RBM46: variants seen among roughly 807,000 people sequenced by gnomAD.
The protein encoded by RBM46 is probable RNA-binding protein 46.
In RBM46, 12 loss-of-function variants were observed where a neutral mutation model predicts 43.3. The ratio of observed to expected loss-of-function variants is 0.28; its 90% CI spans 0.18 to 0.45. The LOEUF is 0.45. Ranked by LOEUF, RBM46 falls within the 20% of genes least tolerant of loss-of-function variation. The pLI is 1.00. For synonymous variants in RBM46, 205 were observed against 207.6 expected, an observed-to-expected ratio of 0.99 and a Z score of 0.11; for missense variants, 412 against 639.1, an observed-to-expected ratio of 0.64 and a Z score of 3.83.
intron 4 of RBM46, among the ~76,000 whole-genome samples, chr4:154,800,323 A>G (rs1734572046): frequency 6.6e-6 from 1 of 152,152 alleles, no homozygotes; most frequent in East Asian, 1.9e-4. Context: ...GGGATTTCAG[A>G]TGGGTCGTGT....
chr4:154,822,598 A>T (rs1735770149), intron 4 of RBM46, among the ~76,000 whole-genome samples: 1 of 151,638 alleles, frequency 6.6e-6, no homozygotes, highest in Non-Finnish European at 1.5e-5. Flanking sequence ...TGCAGATAAA[A>T]TTTAGTGTTT....
intron 4 of RBM46, 54 bp from the exon 5 acceptor site, chr4:154,827,814 T>G (rs746657843): frequency 2.5e-6 from 4 of 1,604,820 alleles, no homozygotes; most frequent in Non-Finnish European, 3.4e-6. Flanking sequence ...CTCTTTAAAT[T>G]AAATTTGTGT....
rs566871472 is a variant in RBM46 at position 154,792,331 on chromosome 4, T to G, written c.-11-4411T>G. On this transcript the variant is annotated intron_variant, in intron 1 of 4. Coordinates refer to ENST00000281722, the MANE Select transcript of RBM46 (RefSeq NM_144979.5). Reference sequence around the variant, plus strand: ...TATGCTAAATCATTAAATGTAGAAGTAAAATGGAATTTCATAGATTAAGAA... The same window carrying G: ...TATGCTAAATCATTAAATGTAGAAGGAAAATGGAATTTCATAGATTAAGAA... 5.3e-5 allele frequency among the ~76,000 whole-genome samples: 8 copies of G among 152,314 alleles called. No individual in the cohort carries two copies. In the South Asian group the frequency reaches 1.7e-3, roughly 32 times the overall value.
At chr4:154,826,474 GATAAATAA>G (rs1051844899) in intron 4 of RBM46, among the ~76,000 whole-genome samples, 1 of 151,854 alleles carries the variant, frequency 6.6e-6, no homozygotes, top group African/African-American at 2.4e-5. Context: ...AATAAATAAA[GATAAATAA>G]ATAAATAAAT....
At chr4:154,824,430 A>T (rs75202282) in intron 4 of RBM46, among the ~76,000 whole-genome samples, 3,084 of 152,220 alleles carry the variant, frequency 0.02, 99 homozygotes, top group African/African-American at 0.071. Flanking sequence ...ATTCATAATA[A>T]AACTTAGAAA....
intron 4 of RBM46, among the ~76,000 whole-genome samples, chr4:154,806,029 T>C (rs983541670): frequency 3.3e-5 from 5 of 151,938 alleles, no homozygotes; most frequent in Non-Finnish European, 7.4e-5. Flanking sequence ...ATTTTACACA[T>C]TTGTTTTCAT....
At chr4:154,803,519 G>A (rs1025820608) in intron 4 of RBM46, among the ~76,000 whole-genome samples, 13 of 151,738 alleles carry the variant, frequency 8.6e-5, no homozygotes, top group Middle Eastern at 3.4e-3. Context: ...TGGCGAACAC[G>A]GTGAAACCCC....
chr4:154,786,600 T>C (rs546058561), intron 1 of RBM46, among the ~76,000 whole-genome samples: 1 of 150,454 alleles, frequency 6.6e-6, no homozygotes, highest in South Asian at 2.1e-4. Context: ...TTAATAAATG[T>C]GTGAGGATAT....
At chr4:154,803,873 T>A (rs1038301831) in intron 4 of RBM46, among the ~76,000 whole-genome samples, 1 of 151,742 alleles carries the variant, frequency 6.6e-6, no homozygotes, top group South Asian at 2.1e-4. Context: ...AGTGTTGGAG[T>A]TGGGGTCTGG....
At chr4:154,791,340 T>G (rs1734081093) in intron 1 of RBM46, among the ~76,000 whole-genome samples, 1 of 152,112 alleles carries the variant, frequency 6.6e-6, no homozygotes, top group African/African-American at 2.4e-5. Flanking sequence ...GGGATGCCAG[T>G]TTAGGAAGTG....
At chr4:154,808,505 C>A (rs1735019962) in intron 4 of RBM46, among the ~76,000 whole-genome samples, 1 of 151,958 alleles carries the variant, frequency 6.6e-6, no homozygotes, top group African/African-American at 2.4e-5. Context: ...TGTTTACTGG[C>A]CAGATTATGG....
At chr4:154,781,948 C>G (rs541244410) in intron 1 of RBM46, 111 of 152,440 alleles carry the variant, frequency 7.3e-4, no homozygotes, top group African/African-American at 2.5e-3. Flanking sequence ...ATTCAGCAGT[C>G]TGGTTTCAGA....
Position 154,798,125 on chromosome 4 carries a change from G to C in RBM46, c.466G>C (p.Glu156Gln). ...GAIPKEKKKE[E>Q]ILDEMKKVTE... Reference sequence around the variant, plus strand: ...TATTCCCAAGGAAAAGAAGAAAGAAGAAATTTTAGATGAAATGAAGAAAGT... The same window carrying C: ...TATTCCCAAGGAAAAGAAGAAAGAACAAATTTTAGATGAAATGAAGAAAGT... Residue 156 changes from glutamate (E) to glutamine (Q), a missense_variant, in exon 3 of 5, where the codon GAA (glutamate) becomes CAA (glutamine). Glu to Gln is a conservative substitution (Grantham distance 29). Around this residue, in one of 8 missense-constraint regions of RBM46, gnomAD observed 48 missense variants for 78.9 expected, o/e 0.61. Coordinates refer to ENST00000281722, the MANE Select transcript of RBM46 (RefSeq NM_144979.5). 1 of 1,613,822 alleles carries C rather than the reference G, an allele frequency of 6.2e-7. No individual in the cohort carries two copies. The highest frequency in any genetic ancestry group is 8.5e-7 in the Non-Finnish European group (1 of 1,179,846).
intron 1 of RBM46, among the ~76,000 whole-genome samples, chr4:154,794,637 AC>A (rs1425161362): frequency 1.3e-5 from 2 of 152,308 alleles, no homozygotes; most frequent in Non-Finnish European, 2.9e-5. Flanking sequence ...TACAAGGTAT[AC>A]CTTGTACATG....
Position 154,828,334 on chromosome 4 carries a change from T to C in RBM46, c.*267T>C, listed in dbSNP as rs1736064087. 1 of 369,302 alleles carries C rather than the reference T, an allele frequency of 2.7e-6. No homozygotes were observed. Among genetic ancestry groups the C allele is most frequent in the African/African-American group, 2.1e-5 (1 of 47,188 alleles). The allele number at this position is 369,302 out of a possible 1,614,324, so 22.9% of individuals were successfully genotyped here. On this transcript the variant is annotated 3_prime_UTR_variant, in exon 5 of 5. Transcript: ENST00000281722. The stretch of plus-strand genomic sequence containing the variant: ...TTTTTAAACTTCTAGGATTTTCTTC[T>C]ACTTTCTGAGTGGGCAATAGAACCT...
At chr4:154,826,955 C>T (rs1052860024) in intron 4 of RBM46, 1 of 1,308,946 alleles carries the variant, frequency 7.6e-7, no homozygotes, top group Non-Finnish European at 9.7e-7. Flanking sequence ...TTCTTCCATT[C>T]CTAGAAACAC....
At position 154,798,762 on chromosome 4, in the gene RBM46, T is replaced by G. The variant is rs1734469349; in HGVS notation, c.620-20T>G. The G allele has an allele frequency of 2.9e-6, 4 of 1,356,040 alleles. No individual in the cohort carries two copies. In the South Asian group the frequency reaches 5.2e-5, roughly 17 times the overall value. The allele number at this position is 1,356,040 out of a possible 1,614,324, so 84.0% of individuals were successfully genotyped here. The stretch of plus-strand genomic sequence containing the variant: ...ATTCTTTATTTTAATTCTCTTCAAA[T>G]TATTATTTTTTTTTTACAGGAACAT... On this transcript the variant is annotated intron_variant, in intron 3 of 4. Transcript: ENST00000281722.
At chr4:154,818,341 A>G (rs991873069) in intron 4 of RBM46, among the ~76,000 whole-genome samples, 1 of 152,026 alleles carries the variant, frequency 6.6e-6, no homozygotes, top group Non-Finnish European at 1.5e-5. Flanking sequence ...TGCCATTTGA[A>G]AGGTTATTTT....
intron 4 of RBM46, among the ~76,000 whole-genome samples, chr4:154,813,591 T>A (rs904021048): frequency 6.6e-6 from 1 of 152,100 alleles, no homozygotes; most frequent in African/African-American, 2.4e-5. Context: ...TCCACAGTTA[T>A]ATCTAGCATA....
Sources: allele counts gnomAD v4.1 joint callset (sites outside exome capture counted in the v4.1 genomes callset), GRCh38; gene constraint gnomAD v4.1.1; regional missense constraint gnomAD v4.1.1; transcripts MANE v1.5; gene names NCBI Gene and HGNC (gene_info 2026-07-23, HGNC 2026-07-21).